The following CTNNA1 variants were observed in gnomAD, a reference collection of about 807,000 sequenced individuals.
CTNNA1 encodes the protein catenin alpha 1.
CTNNA1 carries 37 observed loss-of-function variants against 98.4 expected under a neutral mutation model. The observed-to-expected ratio is 0.38, with a 90% CI of 0.29 to 0.49. The LOEUF is 0.49. Ranked by LOEUF, CTNNA1 falls within the 20% of genes least tolerant of loss-of-function variation. CTNNA1 has a pLI of 0.95. For synonymous variants in CTNNA1, 404 were observed against 413.2 expected, an observed-to-expected ratio of 0.98 and a Z score of 0.27; for missense variants, 761 against 1,147.2, an observed-to-expected ratio of 0.66 and a Z score of 4.86.
At chr5:138,797,828 G>A (rs62381177) in intron 3 of CTNNA1, among the ~76,000 whole-genome samples, 1 of 151,674 alleles carries the variant, frequency 6.6e-6, no homozygotes, top group Admixed American at 6.6e-5. Flanking sequence ...AGGAATCCCA[G>A]CTTGACTTGA....
At chr5:138,910,542 C>T (rs28548503) in intron 10 of CTNNA1, among the ~76,000 whole-genome samples, 3,453 of 151,908 alleles carry the variant, frequency 0.023, 134 homozygotes, top group African/African-American at 0.08. Context: ...AGCTTTAACT[C>T]ATTGCCTTGA....
chr5:138,916,191 A>AAAAAAG (rs1561731642), intron 10 of CTNNA1, among the ~76,000 whole-genome samples: 1 of 151,448 alleles, frequency 6.6e-6, no homozygotes, highest in African/African-American at 2.4e-5. Context: ...AAAAAAAAAA[A>AAAAAAG]GAAGGGGCTA....
intron 12 of CTNNA1, among the ~76,000 whole-genome samples, 186 bp downstream of exon 12, chr5:138,924,896 C>G (rs1177875212): frequency 1.3e-5 from 2 of 152,204 alleles, no homozygotes; most frequent in Non-Finnish European, 2.9e-5. Context: ...TTTTCTTCAT[C>G]TGTATCTCAT....
At chr5:138,865,401 C>G (rs1186509198) in intron 7 of CTNNA1, among the ~76,000 whole-genome samples, 2 of 152,234 alleles carry the variant, frequency 1.3e-5, no homozygotes, top group Non-Finnish European at 2.9e-5. Flanking sequence ...AAGAACAACT[C>G]TGCCTGTTCT....
chr5:138,886,616 T>C (rs543535669), intron 8 of CTNNA1, among the ~76,000 whole-genome samples: 1 of 152,286 alleles, frequency 6.6e-6, no homozygotes, highest in South Asian at 2.1e-4. Flanking sequence ...ATTGACTATG[T>C]ACAATAGAGA....
chr5:138,818,468 G>A (rs986200411), intron 5 of CTNNA1, among the ~76,000 whole-genome samples: 1 of 151,978 alleles, frequency 6.6e-6, no homozygotes, highest in Non-Finnish European at 1.5e-5. Flanking sequence ...GCATGTGGTG[G>A]GACAATCACC....
intron 7 of CTNNA1, among the ~76,000 whole-genome samples, chr5:138,882,676 A>G (rs1314570068): frequency 1.3e-5 from 2 of 152,172 alleles, no homozygotes; most frequent in African/African-American, 2.4e-5. Flanking sequence ...CAAGGGTTGG[A>G]GTAAAAAGTT....
chr5:138,880,792 C>T (rs1330380173), intron 7 of CTNNA1: 7 of 306,188 alleles, frequency 2.3e-5, no homozygotes, highest in Non-Finnish European at 3.9e-5. Context: ...ACTCTCTGAC[C>T]CAGTTGTCTA....
At chr5:138,856,022 G>T (rs1763692441) in intron 7 of CTNNA1, among the ~76,000 whole-genome samples, 4 of 152,124 alleles carry the variant, frequency 2.6e-5, no homozygotes, top group Admixed American at 2.6e-4. Context: ...AGAATGAAGG[G>T]ATTCCAAAAT....
intron 9 of CTNNA1, among the ~76,000 whole-genome samples, chr5:138,901,122 C>T (rs1757933865): frequency 6.6e-6 from 1 of 152,030 alleles, no homozygotes. Context: ...TTTTTCTTTT[C>T]TCTTCTCTTC....
intron 3 of CTNNA1, among the ~76,000 whole-genome samples, chr5:138,792,540 C>G (rs1231634052): frequency 6.6e-6 from 1 of 152,204 alleles, no homozygotes; most frequent in Non-Finnish European, 1.5e-5. Context: ...AGAATGGAAT[C>G]TGGGTTTGCT....
rs1581044330 is a variant in CTNNA1 at position 138,796,241 on chromosome 5, G to A, written c.301+12869G>A. On this transcript the variant is annotated intron_variant, in intron 3 of 17. Coordinates refer to ENST00000302763, the MANE Select transcript of CTNNA1 (RefSeq NM_001903.5). ...TACAATCCTAGTTTTTTACTTTAAA[G>A]ACTGAAGGCTCCTATTGTTAAGAAG... Among the ~76,000 whole-genome samples, 6 of 152,272 alleles carry A rather than the reference G, an allele frequency of 3.9e-5. No individual in the cohort carries two copies. In the South Asian group the frequency reaches 1.2e-3, roughly 32 times the overall value.
At chr5:138,764,629 G>A (rs1182434332) in intron 1 of CTNNA1, among the ~76,000 whole-genome samples, 2 of 151,378 alleles carry the variant, frequency 1.3e-5, no homozygotes, top group East Asian at 2.0e-4. Context: ...GCACCACCAC[G>A]CCTGGCTGAT....
intron 1 of CTNNA1, among the ~76,000 whole-genome samples, chr5:138,777,831 A>G (rs572594919): frequency 1.4e-5 from 2 of 145,846 alleles, no homozygotes; most frequent in South Asian, 4.6e-4. Flanking sequence ...TCAGCTCGGC[A>G]TCAGTGGGAG....
chr5:138,886,746 C>T (rs1468179040), intron 8 of CTNNA1, among the ~76,000 whole-genome samples: 1 of 152,082 alleles, frequency 6.6e-6, no homozygotes, highest in Non-Finnish European at 1.5e-5. Context: ...ATTTGAGGTG[C>T]TGAATTTTCT....
intron 11 of CTNNA1, among the ~76,000 whole-genome samples, chr5:138,921,060 C>T (rs1490957686): frequency 6.6e-6 from 1 of 152,170 alleles, no homozygotes; most frequent in Non-Finnish European, 1.5e-5. Context: ...GTCTCCTCAC[C>T]CCCAAGCTAT....
At chr5:138,846,913 A>G (rs1487764611) in intron 7 of CTNNA1, among the ~76,000 whole-genome samples, 1 of 152,264 alleles carries the variant, frequency 6.6e-6, no homozygotes, top group East Asian at 1.9e-4. Flanking sequence ...TTGGATTATT[A>G]GAAGATTCTG....
At chr5:138,757,936 C>A (rs1232011640) in intron 1 of CTNNA1, among the ~76,000 whole-genome samples, 6 of 152,108 alleles carry the variant, frequency 3.9e-5, no homozygotes, top group Admixed American at 6.5e-5. Flanking sequence ...TCCTTGCCAC[C>A]CAGATCTAAT....
At chr5:138,922,744 C>G (rs1244334381) in intron 11 of CTNNA1, among the ~76,000 whole-genome samples, 2 of 152,116 alleles carry the variant, frequency 1.3e-5, no homozygotes, top group Admixed American at 1.3e-4. Context: ...GTGCTCTGTC[C>G]TGGGTGTGTG....
Sources: allele counts gnomAD v4.1 joint callset (sites outside exome capture counted in the v4.1 genomes callset), GRCh38; gene constraint gnomAD v4.1.1; transcripts MANE v1.5; gene names NCBI Gene and HGNC (gene_info 2026-07-23, HGNC 2026-07-21).